CTNNA2: variants seen among roughly 807,000 people sequenced by gnomAD.
CTNNA2 encodes the protein catenin alpha-2.
Under a neutral mutation model 101.0 loss-of-function variants are expected in CTNNA2, and 42 were observed. The ratio of observed to expected loss-of-function variants is 0.42; its 90% CI spans 0.32 to 0.54. CTNNA2 has a LOEUF of 0.54. CTNNA2 is among the 20% of genes least tolerant of loss of function. The pLI, the probability that CTNNA2 is intolerant of heterozygous loss-of-function variation, is 0.14. For missense variants in CTNNA2, 871 were observed against 1,223.1 expected, an observed-to-expected ratio of 0.71 and a Z score of 4.29; for synonymous variants, 450 against 456.4, an observed-to-expected ratio of 0.99 and a Z score of 0.18.
chr2:79,634,340 T>G (rs1293924505), intron 1 of CTNNA2, among the ~76,000 whole-genome samples: 1 of 152,180 alleles, frequency 6.6e-6, no homozygotes, highest in Non-Finnish European at 1.5e-5. Flanking sequence ...GTTGAACAAA[T>G]ACCTTTAGAT....
At chr2:80,143,069 A>G (rs1401994134) in intron 7 of CTNNA2, among the ~76,000 whole-genome samples, 7 of 152,212 alleles carry the variant, frequency 4.6e-5, no homozygotes, top group Non-Finnish European at 8.8e-5. Flanking sequence ...TGTGTGCCCC[A>G]TTAAGATTAA....
chr2:80,548,115 G>A (rs953269628), intron 11 of CTNNA2, among the ~76,000 whole-genome samples: 8 of 152,028 alleles, frequency 5.3e-5, no homozygotes, highest in African/African-American at 9.7e-5. Context: ...AGGTATGTTC[G>A]TAATTTGGTT....
At chr2:79,418,718 T>C (rs1009655300) in intron 4 of CTNNA2, among the ~76,000 whole-genome samples, 4 of 152,124 alleles carry the variant, frequency 2.6e-5, no homozygotes, top group East Asian at 3.9e-4. Context: ...GCACTGTGAA[T>C]GAAACTGCAT....
intron 3 of CTNNA2, among the ~76,000 whole-genome samples, chr2:79,803,253 G>C (rs1676301929): frequency 6.6e-6 from 1 of 152,274 alleles, no homozygotes; most frequent in East Asian, 1.9e-4. Flanking sequence ...CAGTCAGGGA[G>C]ACCCTAACCC....
At chr2:79,206,719 C>A (rs1320000128) in intron 2 of CTNNA2, among the ~76,000 whole-genome samples, 1 of 152,172 alleles carries the variant, frequency 6.6e-6, no homozygotes, top group Non-Finnish European at 1.5e-5. Flanking sequence ...TTGGAAGCAG[C>A]CATCCTTTCC....
rs62141605 is a variant in CTNNA2, at chr2:79,903,282, T to C, written c.853-6312T>C. On this transcript the variant is annotated intron_variant, in intron 6 of 18. Coordinates refer to ENST00000402739, the MANE Select transcript of CTNNA2 (RefSeq NM_001282597.3). ...CTCTTTATCCATATAGACACAATCC[T>C]GATTTGTAGTTTCCTCACCTCTCTT... Among the ~76,000 whole-genome samples the C allele has an allele frequency of 5.3e-3, 805 of 152,244 alleles. 4 individuals carry two copies. Among genetic ancestry groups the C allele is most frequent in the Non-Finnish European group, 9.1e-3 (620 of 68,016 alleles).
At chr2:79,508,721 A>G (rs977917883), upstream of CTNNA2, among the ~76,000 whole-genome samples, 2 of 151,912 alleles carry the variant, frequency 1.3e-5, no homozygotes, top group African/African-American at 2.4e-5. Context: ...TAAAATTCTC[A>G]CAAGAAAGTC....
At chr2:79,606,983 A>G (rs1009975833) in intron 1 of CTNNA2, among the ~76,000 whole-genome samples, 8 of 152,210 alleles carry the variant, frequency 5.3e-5, no homozygotes, top group African/African-American at 1.4e-4. Flanking sequence ...AAACAATCCA[A>G]TTAAAGAGCA....
At chr2:79,333,651 G>T (rs1328969605) in intron 3 of CTNNA2, among the ~76,000 whole-genome samples, 2 of 151,974 alleles carry the variant, frequency 1.3e-5, no homozygotes, top group African/African-American at 2.4e-5. Flanking sequence ...ACAAATATCT[G>T]CTCTAGGATT....
At chr2:79,796,343 C>G (rs1214659290) in intron 3 of CTNNA2, among the ~76,000 whole-genome samples, 1 of 142,468 alleles carries the variant, frequency 7.0e-6, no homozygotes, top group South Asian at 2.2e-4. Flanking sequence ...AGCCGAGAGC[C>G]GCGATTGCGC....
chr2:79,804,118 A>G (rs1265709055), intron 3 of CTNNA2, among the ~76,000 whole-genome samples: 3 of 152,246 alleles, frequency 2.0e-5, no homozygotes, highest in African/African-American at 7.2e-5. Context: ...CAAATAAGTT[A>G]AAATTGTAAT....
At chr2:80,208,470 T>C (rs548519952) in intron 7 of CTNNA2, among the ~76,000 whole-genome samples, 21 of 152,290 alleles carry the variant, frequency 1.4e-4, no homozygotes, top group African/African-American at 5.1e-4. Flanking sequence ...ACAAAATGTA[T>C]TGATGGATTC....
chr2:80,096,784 G>C (rs10185724), intron 7 of CTNNA2, among the ~76,000 whole-genome samples: 25,641 of 151,934 alleles, frequency 0.17, 3,167 homozygotes, highest in African/African-American at 0.34. Flanking sequence ...CTCTTTTGAT[G>C]TTTGTTGGTT....
intron 7 of CTNNA2, among the ~76,000 whole-genome samples, chr2:79,994,133 G>T (rs1204436111): frequency 6.6e-6 from 1 of 152,042 alleles, no homozygotes; most frequent in East Asian, 1.9e-4. Context: ...GCTCAGGCTG[G>T]TCTTGAACTC....
chr2:79,217,384 A>G (rs12988208), intron 2 of CTNNA2, among the ~76,000 whole-genome samples: 42,374 of 151,866 alleles, frequency 0.28, 6,397 homozygotes, highest in East Asian at 0.41. Flanking sequence ...ACCTGGGTGC[A>G]GGGGGGCTGA....
At chr2:79,467,999 T>C (rs1670957991) in intron 4 of CTNNA2, among the ~76,000 whole-genome samples, 1 of 152,176 alleles carries the variant, frequency 6.6e-6, no homozygotes, top group South Asian at 2.1e-4. Flanking sequence ...GCTAACATCA[T>C]AATGACAGGA....
intron 7 of CTNNA2, among the ~76,000 whole-genome samples, chr2:79,945,299 C>A (rs759495413): frequency 1.3e-5 from 2 of 152,106 alleles, no homozygotes; most frequent in African/African-American, 2.4e-5. Context: ...CCTTGACCTC[C>A]CAAAGTGCTG....
intron 4 of CTNNA2, among the ~76,000 whole-genome samples, chr2:79,420,442 A>G (rs1678529201): frequency 6.6e-6 from 1 of 152,196 alleles, no homozygotes; most frequent in South Asian, 2.1e-4. Flanking sequence ...AAACAACCAC[A>G]CTAGAAATGG....
At chr2:79,587,667 G>A (rs1164321513) in intron 1 of CTNNA2, among the ~76,000 whole-genome samples, 2 of 152,098 alleles carry the variant, frequency 1.3e-5, no homozygotes, top group Admixed American at 6.6e-5. Context: ...ACCAAGTGTT[G>A]CTTTCTACAT....
Sources: gnomAD v4.1 joint callset for allele counts (sites outside exome capture counted in the v4.1 genomes callset) on GRCh38, gnomAD v4.1.1 for gene constraint, MANE v1.5 for transcripts, NCBI Gene and HGNC (gene_info 2026-07-23, HGNC 2026-07-21) for gene names.